Variants in NTM observed in about 807,000 individuals in gnomAD.
The protein encoded by NTM is neurotrimin, also known as IgLON family member 2.
A neutral mutation model predicts 42.1 loss-of-function variants in NTM; 13 were observed. That is an observed-to-expected ratio of 0.31 (90% CI 0.20 to 0.49). The LOEUF is 0.49. Ranked by LOEUF, NTM falls within the 20% of genes least tolerant of loss-of-function variation. NTM has a pLI of 0.99. For missense variants in NTM, 373 were observed against 452.8 expected, an observed-to-expected ratio of 0.82 and a Z score of 1.60; for synonymous variants, 187 against 179.2, an observed-to-expected ratio of 1.04 and a Z score of -0.35.
chr11:131,745,587 AGAG>A (rs1274644258), intron 1 of NTM, among the ~76,000 whole-genome samples: 1 of 152,212 alleles, frequency 6.6e-6, no homozygotes, highest in Non-Finnish European at 1.5e-5. Flanking sequence ...TGAAAGGATC[AGAG>A]GACTGGAGTT....
intron 4 of NTM, among the ~76,000 whole-genome samples, chr11:132,267,366 T>A (rs182522012): frequency 1.7e-4 from 26 of 152,344 alleles, no homozygotes; most frequent in Middle Eastern, 3.4e-3. Flanking sequence ...TTTAGTTACA[T>A]GACTCTCTTT....
At chr11:131,449,340 G>T (rs1950305767) in intron 1 of NTM, among the ~76,000 whole-genome samples, 1 of 152,206 alleles carries the variant, frequency 6.6e-6, no homozygotes. Context: ...GGGCATGGAG[G>T]TGGGGGCTTA....
chr11:131,827,182 A>G (rs564578412), intron 1 of NTM, among the ~76,000 whole-genome samples: 205 of 152,358 alleles, frequency 1.3e-3, no homozygotes, highest in Non-Finnish European at 2.2e-3. Flanking sequence ...AAACAAAATC[A>G]ACAAACATAA....
intron 1 of NTM, among the ~76,000 whole-genome samples, chr11:131,722,998 T>C (rs2078549172): frequency 6.6e-6 from 1 of 152,178 alleles, no homozygotes; most frequent in Non-Finnish European, 1.5e-5. Context: ...TTTCTTGCTT[T>C]TTCAGATGAG....
chr11:131,444,170 C>T (rs1046275344), intron 1 of NTM, among the ~76,000 whole-genome samples: 6 of 128,244 alleles, frequency 4.7e-5, no homozygotes, highest in Non-Finnish European at 7.9e-5. Context: ...GGAAGTCAAA[C>T]CCTGATGCTC....
intron 2 of NTM, among the ~76,000 whole-genome samples, chr11:132,035,933 T>C (rs1471244073): frequency 6.6e-6 from 1 of 152,210 alleles, no homozygotes; most frequent in East Asian, 1.9e-4. Context: ...TCCGTGAGTG[T>C]GGACCATGTG....
At chr11:131,518,837 G>A (rs2049223267) in intron 1 of NTM, among the ~76,000 whole-genome samples, 1 of 152,142 alleles carries the variant, frequency 6.6e-6, no homozygotes. Context: ...CTGGCTTAAG[G>A]ACAAATATAT....
At chr11:131,527,131 TA>T (rs2050607527) in intron 1 of NTM, among the ~76,000 whole-genome samples, 1 of 152,200 alleles carries the variant, frequency 6.6e-6, no homozygotes, top group Non-Finnish European at 1.5e-5. Context: ...CTGATGTACC[TA>T]TGTGTAACCC....
intron 2 of NTM, among the ~76,000 whole-genome samples, chr11:131,995,887 A>C (rs2067917356): frequency 2.6e-5 from 4 of 152,152 alleles, no homozygotes; most frequent in Admixed American, 2.6e-4. Flanking sequence ...GTAAGGGAGC[A>C]GTCCTGCTGA....
At chr11:131,573,654 T>TA (rs1366402881) in intron 1 of NTM, 25 of 152,152 alleles carry the variant, frequency 1.6e-4, no homozygotes, top group Non-Finnish European at 1.5e-5. Context: ...GAAAAAGAAA[T>TA]AGAGATTATT....
At chr11:131,897,495 T>C (rs911051038) in intron 1 of NTM, among the ~76,000 whole-genome samples, 24 of 152,304 alleles carry the variant, frequency 1.6e-4, no homozygotes, top group Middle Eastern at 3.4e-3. Flanking sequence ...GCAATGACTT[T>C]TGCAAAGACA....
intron 1 of NTM, among the ~76,000 whole-genome samples, chr11:131,551,889 C>A (rs954707924): frequency 2.0e-5 from 3 of 152,122 alleles, no homozygotes; most frequent in Admixed American, 1.3e-4. Context: ...GTCAAGGCTA[C>A]CACACACTGG....
chr11:132,094,415 T>C (rs950020760), intron 2 of NTM, among the ~76,000 whole-genome samples: 9 of 152,154 alleles, frequency 5.9e-5, no homozygotes, highest in Middle Eastern at 3.2e-3. Context: ...CAGGGAGCAC[T>C]TGCTGTCCTC....
chr11:131,554,606 G>T (rs1473147783), intron 1 of NTM, among the ~76,000 whole-genome samples: 4 of 151,424 alleles, frequency 2.6e-5, no homozygotes, highest in African/African-American at 7.3e-5. Context: ...TAGCACTCTG[G>T]TCTACTGCAT....
At chr11:132,145,835 A>C (rs572467513) in intron 2 of NTM, among the ~76,000 whole-genome samples, 1 of 152,180 alleles carries the variant, frequency 6.6e-6, no homozygotes, top group Admixed American at 6.5e-5. Context: ...AGTTTAGTTT[A>C]GTTTCTCTGC....
At chr11:132,192,692 A>G (rs535991078) in intron 3 of NTM, among the ~76,000 whole-genome samples, 7 of 152,170 alleles carry the variant, frequency 4.6e-5, no homozygotes, top group Non-Finnish European at 1.0e-4. Context: ...CCCCCCACTT[A>G]AAAGGCATAG....
intron 2 of NTM, among the ~76,000 whole-genome samples, chr11:132,096,954 G>GTC (rs2061076437): frequency 6.6e-6 from 1 of 152,162 alleles, no homozygotes; most frequent in Non-Finnish European, 1.5e-5. Flanking sequence ...GACACTAAGT[G>GTC]TCTAGCACAT....
In NTM at chr11:132,179,519, G is replaced by C. The variant is rs191028554; in HGVS notation, c.401-32503G>C. 3.7e-3 allele frequency among the ~76,000 whole-genome samples: 564 copies of C among 152,166 alleles called. 6 individuals carry two copies. The highest frequency in any genetic ancestry group is 0.017 in the Middle Eastern group (5 of 294). ...GCTATAAAATGGGGCAGTCCGGAAG[G>C]GCCTTGCCTTACACCTCCAGTTAAG... On this transcript the variant is annotated intron_variant, in intron 3 of 8. Transcript: ENST00000683400.
At chr11:131,901,400 C>T (rs2053138954) in intron 1 of NTM, among the ~76,000 whole-genome samples, 1 of 152,180 alleles carries the variant, frequency 6.6e-6, no homozygotes, top group Admixed American at 6.5e-5. Context: ...TTCCACATAT[C>T]CAAATAACTT....
Sources: allele counts gnomAD v4.1 joint callset (sites outside exome capture counted in the v4.1 genomes callset), GRCh38; gene constraint gnomAD v4.1.1; transcripts MANE v1.5; gene names NCBI Gene and HGNC (gene_info 2026-07-23, HGNC 2026-07-21).